The following URB1 variants were observed in gnomAD, a reference collection of about 807,000 sequenced individuals.
URB1 encodes nucleolar pre-ribosomal-associated protein 1.
In URB1, 197 loss-of-function variants were observed where a neutral mutation model predicts 242.3. The ratio of observed to expected loss-of-function variants is 0.81; its 90% CI spans 0.72 to 0.91. URB1 has a LOEUF of 0.91. Among genes scored for constraint, URB1 ranks in the 40% least tolerant of loss-of-function variants. The pLI is 0.00. For synonymous variants in URB1, 1,153 were observed against 1,201.8 expected, an observed-to-expected ratio of 0.96 and a Z score of 0.84; for missense variants, 2,721 against 2,860.5, an observed-to-expected ratio of 0.95 and a Z score of 1.11.
Position 32,357,564 on chromosome 21 carries a change from C to T in URB1, c.1962G>A (p.Lys654=). ...TCATGATCAGAAGTTTGGTCAATGA[C>T]TTCAGTTGTAAATGGCTACTGGTCA... The part of the protein sequence containing the change: ...MFVTSSHLQL[K]SLTKLLIMKI... Residue 654 remains lysine, a synonymous_variant, in exon 15 of 39, where the codon AAG becomes AAA. Coordinates refer to ENST00000382751, the MANE Select transcript of URB1 (RefSeq NM_014825.3). The T allele has an allele frequency of 6.5e-7, 1 of 1,529,384 alleles. No individual in the cohort carries two copies. Among genetic ancestry groups the T allele is most frequent in the Non-Finnish European group, 8.8e-7 (1 of 1,140,300 alleles). 94.7% of individuals were successfully genotyped at this position (1,529,384 alleles called of 1,614,324 possible). A position where few individuals can be genotyped will look rare whatever the true frequency, so the allele number is the denominator to read the frequency against.
rs74960746 is a variant in URB1, at chr21:32,377,320, T to A, written c.664+1125A>T. 1.2e-5 allele frequency: 6 copies of A among 508,610 alleles called. No individual in the cohort carries two copies. In the Admixed American group the frequency reaches 1.3e-4, roughly 11 times the overall value. 31.5% of individuals were successfully genotyped at this position (508,610 alleles called of 1,614,324 possible). A position where few individuals can be genotyped will look rare whatever the true frequency, so the allele number is the denominator to read the frequency against. ...CGGGCCCATCATAAATCCAAACCCA[T>A]GCATAAGCACCTTAAAAGTTTTGAT... On this transcript the variant is annotated intron_variant, in intron 5 of 38. Coordinates refer to ENST00000382751, the MANE Select transcript of URB1 (RefSeq NM_014825.3).
intron 16 of URB1, among the ~76,000 whole-genome samples, chr21:32,355,217 A>G (rs950875214): frequency 6.6e-6 from 1 of 152,188 alleles, no homozygotes; most frequent in Non-Finnish European, 1.5e-5. Flanking sequence ...TGGTTTACCT[A>G]TTCCCCTATG....
intron 23 of URB1, 34 bp downstream of exon 23, chr21:32,345,339 GT>G: frequency 6.5e-7 from 1 of 1,539,780 alleles, no homozygotes; most frequent in East Asian, 2.5e-5. Flanking sequence ...GACACCGAGA[GT>G]GGAACATCCT....
rs183111641 is a variant in URB1, at chr21:32,386,693, T to C, written c.143-1009A>G. Among the ~76,000 whole-genome samples the C allele has an allele frequency of 1.2e-4, 19 of 152,254 alleles. No homozygotes were observed. In the East Asian group the frequency reaches 2.9e-3, roughly 23 times the overall value. ...AATGGGTATAACAAGAAAAACCATA[T>C]AGAGCATGGTAACGAAACATTACCA... On this transcript the variant is annotated intron_variant, in intron 1 of 38. Coordinates refer to ENST00000382751, the MANE Select transcript of URB1 (RefSeq NM_014825.3).
Position 32,315,033 on chromosome 21 carries a change from G to T in URB1, c.6701C>A (p.Thr2234Asn). Residue 2234 changes from threonine to asparagine, a missense_variant, in exon 39 of 39, where the codon ACC becomes AAC. Thr to Asn is a moderately conservative substitution (Grantham distance 65). Transcript: ENST00000382751. Reference sequence around the variant, plus strand: ...CACCATCCGGACGTGGGTTAAGAGGGTGTCCGGCCGCTGAGCCCCCAGCCA... The same window carrying T: ...CACCATCCGGACGTGGGTTAAGAGGTTGTCCGGCCGCTGAGCCCCCAGCCA... ...DIWLGAQRPD[T>N]LLTHVRMVCE... 1 of 1,551,062 alleles carries T rather than the reference G, an allele frequency of 6.4e-7. No homozygotes were observed. Among genetic ancestry groups the T allele is most frequent in the Non-Finnish European group, 8.7e-7 (1 of 1,146,590 alleles).
At chr21:32,318,279 A>G (rs148858764) in intron 36 of URB1, among the ~76,000 whole-genome samples, 13 of 152,298 alleles carry the variant, frequency 8.5e-5, no homozygotes, top group African/African-American at 3.1e-4. Context: ...GACCACCAGT[A>G]AAGTGAGAAA....
intron 1 of URB1, among the ~76,000 whole-genome samples, chr21:32,389,508 G>A (rs1161471761): frequency 6.6e-6 from 1 of 152,210 alleles, no homozygotes; most frequent in Non-Finnish European, 1.5e-5. Flanking sequence ...CACGGTCCCA[G>A]CAGGGACTGA....
At position 32,368,485 on chromosome 21, in the gene URB1, T is replaced by A. The variant is rs1354265460; in HGVS notation, c.1115A>T (p.Asn372Ile). 6.4e-7 allele frequency: 1 copy of A among 1,551,924 alleles called. No homozygotes were observed. The highest frequency in any genetic ancestry group is 2.4e-5 in the East Asian group (1 of 40,930). Residue 372 changes from asparagine to isoleucine, a missense_variant, in exon 9 of 39, where the codon AAC becomes ATC. Transcript: ENST00000382751. ...AAACGTTACTTCCTTGAAGTATTTG[T>A]TCAGTAAGTCCGGGCACACTTTGAG... Reference protein sequence around the residue: ...NILKVCPDLLNKYFKEVTFSF... With the variant: ...NILKVCPDLLIKYFKEVTFSF...
intron 10 of URB1, among the ~76,000 whole-genome samples, chr21:32,364,783 A>G (rs2033326930): frequency 9.2e-6 from 1 of 108,936 alleles, no homozygotes; most frequent in Admixed American, 9.5e-5. Context: ...ACAAAACCAT[A>G]AGAAATAAAA....
intron 9 of URB1, among the ~76,000 whole-genome samples, chr21:32,367,871 A>G (rs753929036): frequency 1.3e-5 from 2 of 152,246 alleles, no homozygotes; most frequent in Non-Finnish European, 2.9e-5. Context: ...CTTGATGAAC[A>G]GGATAAATTG....
At chr21:32,331,728 A>G (rs1483062664) in intron 30 of URB1, among the ~76,000 whole-genome samples, 3 of 152,234 alleles carry the variant, frequency 2.0e-5, no homozygotes, top group African/African-American at 7.2e-5. Flanking sequence ...GCGATACTTC[A>G]GCCAAACACT....
At position 32,354,862 on chromosome 21, in the gene URB1, C is replaced by T. The variant is rs1471762042; in HGVS notation, c.2242G>A (p.Asp748Asn). ...CGCAGAACAGAATGGAACATACCGT[C>T]AATGTGGGAGATGGGAATGCTCATG... The part of the protein sequence containing the change: ...DDMSIPISHI[D>N]DVLDMVDVLV... The change falls in exon 17 of 39, where the codon GAC becomes AAC. Residue 748 changes from aspartate to asparagine, a missense_variant. Transcript: ENST00000382751. The T allele has an allele frequency of 1.3e-6, 2 of 1,552,248 alleles. No individual in the cohort carries two copies. Among genetic ancestry groups the T allele is most frequent in the East Asian group, 2.4e-5 (1 of 40,910 alleles).
In URB1 at chr21:32,373,039, A is replaced by G. The variant is rs2033422781; in HGVS notation, c.877-408T>C. Among the ~76,000 whole-genome samples the G allele has an allele frequency of 2.6e-5, 4 of 152,328 alleles. No homozygotes were observed. The South Asian group carries it at 8.3e-4, about 32-fold the overall frequency. ...TTAGGCTCTTGAGAGGTGAATTATT[A>G]TAACGTTAACAGGAAGTCTGTGCCT... On this transcript the variant is annotated intron_variant, in intron 7 of 38. Transcript: ENST00000382751.
At chr21:32,373,862 CTCA>C in intron 6 of URB1, 90 bp from the exon 7 acceptor site, 14 of 1,203,000 alleles carry the variant, frequency 1.2e-5, no homozygotes, top group Non-Finnish European at 1.5e-5. Context: ...TTACTGTTTT[CTCA>C]TCATTATAAA....
At chr21:32,356,581 A>C (rs1169544222) in intron 15 of URB1, among the ~76,000 whole-genome samples, 1 of 152,208 alleles carries the variant, frequency 6.6e-6, no homozygotes, top group Non-Finnish European at 1.5e-5. Context: ...AGCCTGTATG[A>C]AATTCTCCAA....
intron 4 of URB1, among the ~76,000 whole-genome samples, chr21:32,381,257 G>A (rs1210945080): frequency 6.6e-6 from 1 of 152,160 alleles, no homozygotes; most frequent in Non-Finnish European, 1.5e-5. Context: ...GAACTCTTCA[G>A]GGCTTGTTCT....
intron 18 of URB1, among the ~76,000 whole-genome samples, chr21:32,353,677 G>A (rs1171969618): frequency 1.3e-5 from 2 of 152,190 alleles, no homozygotes; most frequent in Non-Finnish European, 2.9e-5. Flanking sequence ...TACAGAGGCT[G>A]TCTGGGCAGC....
rs1055918240 is a variant in URB1 at position 32,341,519 on chromosome 21, T to C, written c.4263A>G (p.Ala1421=). The C allele has an allele frequency of 9.0e-6, 14 of 1,551,308 alleles. No homozygotes were observed. The highest frequency in any genetic ancestry group is 4.9e-5 in the East Asian group (2 of 40,926). Residue 1421 remains alanine, a synonymous_variant, in exon 25 of 39, where the codon GCA becomes GCG. Transcript: ENST00000382751. The part of the protein sequence containing the change: ...MLLRLNALLH[A]LNEVDPGDWQ... ...AGTCACCAGGATCAACTTCATTAAG[T>C]GCATGCTATGAATAAAATAAGTAAG...
intron 30 of URB1, among the ~76,000 whole-genome samples, chr21:32,331,800 G>A (rs1472700365): frequency 2.6e-5 from 4 of 152,252 alleles, no homozygotes; most frequent in Non-Finnish European, 5.9e-5. Context: ...ACCCCTGCCA[G>A]GCTGGAAAGA....
Sources: allele counts gnomAD v4.1 joint callset (sites outside exome capture counted in the v4.1 genomes callset), GRCh38; gene constraint gnomAD v4.1.1; transcripts MANE v1.5; gene names NCBI Gene and HGNC (gene_info 2026-07-23, HGNC 2026-07-21).